The following EPHA6 variants were observed in gnomAD, a reference collection of about 807,000 sequenced individuals.
The protein encoded by EPHA6 is EPH receptor A6.
In EPHA6, 50 loss-of-function variants were observed where a neutral mutation model predicts 112.0. The observed-to-expected ratio is 0.45, with a 90% confidence interval of 0.36 to 0.56. The LOEUF (loss-of-function observed/expected upper bound fraction) is 0.56. Among genes scored for constraint, EPHA6 ranks in the 20% least tolerant of loss-of-function variants. The pLI, the probability that EPHA6 is intolerant of heterozygous loss-of-function variation, is 0.00. For synonymous variants in EPHA6, 529 were observed against 490.7 expected, an observed-to-expected ratio of 1.08 and a Z score of -1.03; for missense variants, 1,280 against 1,417.4, an observed-to-expected ratio of 0.90 and a Z score of 1.56.
At chr3:97,069,386 A>C (rs902052104) in intron 3 of EPHA6, among the ~76,000 whole-genome samples, 8 of 152,284 alleles carry the variant, frequency 5.3e-5, no homozygotes, top group African/African-American at 1.9e-4. Flanking sequence ...TTTCTGTCTC[A>C]GAGGTAACAG....
At chr3:97,316,310 T>A (rs1419566236) in intron 5 of EPHA6, among the ~76,000 whole-genome samples, 1 of 151,848 alleles carries the variant, frequency 6.6e-6, no homozygotes, top group Non-Finnish European at 1.5e-5. Flanking sequence ...GCAACTTTTA[T>A]TTTAGACAAT....
At chr3:97,164,527 T>C (rs2076492303) in intron 3 of EPHA6, among the ~76,000 whole-genome samples, 1 of 152,104 alleles carries the variant, frequency 6.6e-6, no homozygotes, top group African/African-American at 2.4e-5. Flanking sequence ...CCTTTAAAAT[T>C]GCAAAAATAA....
chr3:96,937,193 C>T (rs1356045338), intron 2 of EPHA6, among the ~76,000 whole-genome samples: 1 of 152,198 alleles, frequency 6.6e-6, no homozygotes, highest in African/African-American at 2.4e-5. Context: ...ACACTGACTT[C>T]CACAATGGTT....
intron 5 of EPHA6, among the ~76,000 whole-genome samples, chr3:97,325,749 C>A (rs1039038500): frequency 6.6e-6 from 1 of 152,038 alleles, no homozygotes; most frequent in Non-Finnish European, 1.5e-5. Context: ...TTCTTATAAT[C>A]TAAAATAATT....
Position 97,250,205 on chromosome 3 carries a change from A to G in EPHA6, c.1606+5918A>G, listed in dbSNP as rs959591108. Among the ~76,000 whole-genome samples, 8 of 152,254 alleles carry G rather than the reference A, an allele frequency of 5.3e-5. 1 individual carries two copies. Among genetic ancestry groups the G allele is most frequent in the Admixed American group, 3.9e-4 (6 of 15,288 alleles). On this transcript the variant is annotated intron_variant, in intron 5 of 17. Coordinates refer to ENST00000389672, the MANE Select transcript of EPHA6 (RefSeq NM_001080448.3). ...ATTAATGGCATATTTATTCTTTAGC[A>G]TATACTAAATTTCATGTTCACTAAA...
chr3:97,044,082 A>T (rs556793146), intron 3 of EPHA6, among the ~76,000 whole-genome samples: 1 of 152,296 alleles, frequency 6.6e-6, no homozygotes, highest in South Asian at 2.1e-4. Flanking sequence ...TTTATCCTTC[A>T]TACATGTACA....
intron 2 of EPHA6, among the ~76,000 whole-genome samples, chr3:96,949,214 G>T (rs556665694): frequency 6.6e-6 from 1 of 152,070 alleles, no homozygotes; most frequent in African/African-American, 2.4e-5. Flanking sequence ...TTTTTCACTT[G>T]TTTTGAATTT....
intron 6 of EPHA6, among the ~76,000 whole-genome samples, chr3:97,412,920 A>C (rs1217053038): frequency 1.3e-5 from 2 of 151,986 alleles, no homozygotes; most frequent in Admixed American, 1.3e-4. Flanking sequence ...ATTATCAGAG[A>C]TCACAATGTC....
chr3:97,376,590 G>T (rs1014873282), intron 5 of EPHA6, among the ~76,000 whole-genome samples: 1 of 152,166 alleles, frequency 6.6e-6, no homozygotes, highest in African/African-American at 2.4e-5. Context: ...AGAGCTTTTG[G>T]CTTTTCCCAT....
chr3:97,047,647 A>G (rs1412754562), intron 3 of EPHA6, among the ~76,000 whole-genome samples: 1 of 151,838 alleles, frequency 6.6e-6, no homozygotes, highest in African/African-American at 2.4e-5. Flanking sequence ...TTAAATCTGC[A>G]GTGAAATTTG....
intron 1 of EPHA6, among the ~76,000 whole-genome samples, chr3:96,857,050 T>C (rs2035740647): frequency 6.6e-6 from 1 of 152,172 alleles, no homozygotes; most frequent in Non-Finnish European, 1.5e-5. Flanking sequence ...CGGAACATTA[T>C]AGATTTCATT....
At chr3:97,547,298 A>G (rs530528381) in intron 11 of EPHA6, among the ~76,000 whole-genome samples, 2 of 152,232 alleles carry the variant, frequency 1.3e-5, no homozygotes, top group East Asian at 3.9e-4. Context: ...GGACCCTTAG[A>G]TGCAGGTCTG....
At chr3:96,864,237 A>G (rs2036175369) in intron 1 of EPHA6, among the ~76,000 whole-genome samples, 1 of 152,050 alleles carries the variant, frequency 6.6e-6, no homozygotes, top group Non-Finnish European at 1.5e-5. Context: ...CCCTGGAGAA[A>G]TAAAAGCATA....
At chr3:97,395,809 T>A in intron 5 of EPHA6, among the ~76,000 whole-genome samples, 1 of 148,824 alleles carries the variant, frequency 6.7e-6, no homozygotes. Context: ...AAAAAGTAAA[T>A]GAAGAAAGAA....
rs151281326 is a variant in EPHA6 at position 97,635,998 on chromosome 3, C to G, written c.2575-1875C>G. Among the ~76,000 whole-genome samples the G allele has an allele frequency of 5.3e-3, 801 of 151,852 alleles. 4 individuals carry two copies. The highest frequency in any genetic ancestry group is 0.018 in the African/African-American group (740 of 41,438). ...CTCATTAAAATTGCAAAAAAAAACA[C>G]ATATAATAACAGTAATAACAAGGAC... On this transcript the variant is annotated intron_variant, in intron 13 of 17. Transcript: ENST00000389672.
At chr3:96,947,386 G>T (rs2041322406) in intron 2 of EPHA6, among the ~76,000 whole-genome samples, 1 of 152,086 alleles carries the variant, frequency 6.6e-6, no homozygotes, top group Non-Finnish European at 1.5e-5. Context: ...TCCAGTTTCA[G>T]CTTTCTACAT....
At chr3:97,029,369 A>G (rs1006834724) in intron 3 of EPHA6, among the ~76,000 whole-genome samples, 4 of 151,874 alleles carry the variant, frequency 2.6e-5, no homozygotes, top group Non-Finnish European at 5.9e-5. Context: ...TTATTTTAAT[A>G]AAGACCATTT....
At chr3:97,099,881 T>A (rs2047353538) in intron 3 of EPHA6, among the ~76,000 whole-genome samples, 1 of 152,024 alleles carries the variant, frequency 6.6e-6, no homozygotes, top group African/African-American at 2.4e-5. Flanking sequence ...ACCTGTAGTG[T>A]TTACACTAAT....
At chr3:96,971,262 A>G (rs191576089) in intron 2 of EPHA6, among the ~76,000 whole-genome samples, 2 of 152,128 alleles carry the variant, frequency 1.3e-5, no homozygotes, top group East Asian at 1.9e-4. Flanking sequence ...TAATAGGACA[A>G]ATCTACCAAA....
Sources: gnomAD v4.1 joint callset for allele counts (sites outside exome capture counted in the v4.1 genomes callset) on GRCh38, gnomAD v4.1.1 for gene constraint, MANE v1.5 for transcripts, NCBI Gene and HGNC (gene_info 2026-07-23, HGNC 2026-07-21) for gene names.